Variants in PRSS23 observed in about 807,000 individuals in gnomAD.
The protein encoded by PRSS23 is protease, serine 23.
PRSS23 carries 25 observed loss-of-function variants against 34.7 expected under a neutral mutation model. The ratio of observed to expected loss-of-function variants is 0.72; its 90% CI spans 0.53 to 1.01. The LOEUF (loss-of-function observed/expected upper bound fraction) is 1.01, where lower values mean the gene tolerates loss of function less well. PRSS23 is among the 50% of genes least tolerant of loss of function. PRSS23 has a pLI of 0.00. For synonymous variants in PRSS23, 176 were observed against 186.6 expected, an observed-to-expected ratio of 0.94 and a Z score of 0.46; for missense variants, 445 against 475.6, an observed-to-expected ratio of 0.94 and a Z score of 0.60.
At chr11:86,838,417 A>G (rs963641205) in intron 2 of PRSS23, among the ~76,000 whole-genome samples, 2 of 152,168 alleles carry the variant, frequency 1.3e-5, no homozygotes, top group African/African-American at 4.8e-5. Context: ...GGAGAGGGGC[A>G]TCTGCCATTG....
At chr11:86,818,596 TAAAA>T (rs1228068216) in intron 1 of PRSS23, among the ~76,000 whole-genome samples, 1 of 152,130 alleles carries the variant, frequency 6.6e-6, no homozygotes, top group Non-Finnish European at 1.5e-5. Flanking sequence ...AAAATGTACT[TAAAA>T]AAAATCTTTC....
At chr11:86,795,575 G>GT (rs1391056239), upstream of PRSS23, among the ~76,000 whole-genome samples, 11 of 152,240 alleles carry the variant, frequency 7.2e-5, no homozygotes, top group African/African-American at 2.7e-4. Context: ...CTCAAAGACT[G>GT]TAACAGCAGG....
At chr11:86,922,295 G>A (rs923077703) in intron 2 of PRSS23, among the ~76,000 whole-genome samples, 1 of 152,068 alleles carries the variant, frequency 6.6e-6, no homozygotes, top group African/African-American at 2.4e-5. Flanking sequence ...TAAATCAGAT[G>A]GACAATTACT....
At position 86,860,731 on chromosome 11, in the gene PRSS23, G is replaced by A. The variant is rs369227623; in HGVS notation, c.206+37138G>A. ...GGATAATATAACCCCAAATTTGGCC[G>A]GTGGTTTGACCCCCCTTGTGATATT... On this transcript the variant is annotated intron_variant, in intron 2 of 2. Coordinates refer to the PRSS23 transcript ENST00000533902. Among the ~76,000 whole-genome samples the A allele has an allele frequency of 1.8e-4, 27 of 151,888 alleles. 1 individual carries two copies. Among genetic ancestry groups the A allele is most frequent in the African/African-American group, 6.0e-4 (25 of 41,370 alleles).
chr11:86,907,365 A>C (rs760637984), intron 2 of PRSS23, among the ~76,000 whole-genome samples: 1 of 152,204 alleles, frequency 6.6e-6, no homozygotes, highest in Non-Finnish European at 1.5e-5. Context: ...TCAAAATGTT[A>C]GCAGTGGTGT....
chr11:86,890,339 C>G (rs1182836002), intron 2 of PRSS23, among the ~76,000 whole-genome samples: 1 of 152,172 alleles, frequency 6.6e-6, no homozygotes, highest in East Asian at 1.9e-4. Context: ...CCTGGAATCT[C>G]ATACCTCAGC....
intron 2 of PRSS23, chr11:86,937,718 A>C (rs1393154726): frequency 1.3e-5 from 2 of 152,254 alleles, no homozygotes; most frequent in Non-Finnish European, 2.9e-5. Flanking sequence ...TTTAGCATAT[A>C]ATCAAGAAAT....
At position 86,881,997 on chromosome 11, in the gene PRSS23, A is replaced by T. The variant is rs1341594639; in HGVS notation, c.206+58404A>T. On this transcript the variant is annotated intron_variant, in intron 2 of 2. Transcript: ENST00000533902. ...GATGTGAATCTTCTCTCTTTTGTTC[A>T]TGGTCAGCCCACTTAAATGTTTGTC... Among the ~76,000 whole-genome samples, 6 of 152,074 alleles carry T rather than the reference A, an allele frequency of 3.9e-5. 1 individual carries two copies. Among genetic ancestry groups the T allele is most frequent in the Non-Finnish European group, 5.9e-5 (4 of 68,010 alleles).
intron 2 of PRSS23, among the ~76,000 whole-genome samples, chr11:86,944,052 A>C (rs1028789459): frequency 6.6e-6 from 1 of 152,042 alleles, no homozygotes; most frequent in Middle Eastern, 3.4e-3. Flanking sequence ...ATAGGAATTT[A>C]TTCTTACACA....
At chr11:86,929,696 T>C (rs1359444064) in intron 2 of PRSS23, among the ~76,000 whole-genome samples, 1 of 152,212 alleles carries the variant, frequency 6.6e-6, no homozygotes, top group Non-Finnish European at 1.5e-5. Flanking sequence ...TTCCAGGAAA[T>C]TATGCTTCAA....
At chr11:86,927,370 G>A (rs552587569) in intron 2 of PRSS23, among the ~76,000 whole-genome samples, 1 of 152,278 alleles carries the variant, frequency 6.6e-6, no homozygotes, top group East Asian at 1.9e-4. Context: ...TCCTAACACA[G>A]TTATAAGATC....
Position 86,827,359 on chromosome 11 carries a change from T to C in PRSS23, c.206+3766T>C, listed in dbSNP as rs192952803. Among the ~76,000 whole-genome samples, 1,034 of 152,374 alleles carry C rather than the reference T, an allele frequency of 6.8e-3. 2 individuals are homozygous for C. Among genetic ancestry groups the C allele is most frequent in the Non-Finnish European group, 0.011 (750 of 68,044 alleles). On this transcript the variant is annotated intron_variant, in intron 2 of 2. Coordinates refer to the PRSS23 transcript ENST00000533902. ...GTGATATCTCCTTTATCATTTTTTA[T>C]TGCCTCTATTTGATTCTTCTCTCTT...
Position 86,809,965 on chromosome 11 carries a change from G to T in PRSS23, c.*1170G>T, listed in dbSNP as rs1331933546. 1 of 167,004 alleles carries T rather than the reference G, an allele frequency of 6.0e-6. No individual in the cohort carries two copies. The highest frequency in any genetic ancestry group is 1.5e-5 in the Non-Finnish European group (1 of 68,116). The allele number at this position is 167,004 out of a possible 1,614,324, so 10.3% of individuals were successfully genotyped here. ...CTTGGAAGTTACTTTAAGAAAACCA[G>T]TGTGGCCTTTTTCCCTCTAGCTTTA... On this transcript the variant is annotated 3_prime_UTR_variant, in exon 2 of 2. Coordinates refer to ENST00000280258, the MANE Select transcript of PRSS23 (RefSeq NM_007173.6).
chr11:86,944,516 TC>T (rs1949227648), intron 2 of PRSS23, among the ~76,000 whole-genome samples: 1 of 152,188 alleles, frequency 6.6e-6, no homozygotes, highest in African/African-American at 2.4e-5. Context: ...ACCAACCTTC[TC>T]CAACCCCTTT....
At chr11:86,823,871 T>G (rs1004267725) in intron 2 of PRSS23, among the ~76,000 whole-genome samples, 2 of 149,590 alleles carry the variant, frequency 1.3e-5, no homozygotes, top group African/African-American at 2.5e-5. Context: ...CCGGGCGTGG[T>G]AGCGGGCGCC....
chr11:86,854,838 C>T (rs996021748), intron 2 of PRSS23, among the ~76,000 whole-genome samples: 15 of 152,104 alleles, frequency 9.9e-5, no homozygotes, highest in East Asian at 5.8e-4. Flanking sequence ...GGAAGTTATT[C>T]CTGGGCTCAA....
At chr11:86,915,660 TGAAA>T (rs1308116614) in intron 2 of PRSS23, among the ~76,000 whole-genome samples, 1 of 150,940 alleles carries the variant, frequency 6.6e-6, no homozygotes, top group Non-Finnish European at 1.5e-5. Flanking sequence ...ATATAGTAAC[TGAAA>T]GATAGAAAAT....
chr11:86,842,050 A>C (rs1412591099), intron 2 of PRSS23, among the ~76,000 whole-genome samples: 6 of 152,184 alleles, frequency 3.9e-5, no homozygotes. Context: ...ACTGGCAAAC[A>C]GAATCCAGCA....
At chr11:86,918,257 C>T (rs946604091) in intron 2 of PRSS23, among the ~76,000 whole-genome samples, 3 of 152,150 alleles carry the variant, frequency 2.0e-5, no homozygotes, top group African/African-American at 7.2e-5. Context: ...CACACCATTG[C>T]CAAAGTGCTT....
Sources: gnomAD v4.1 joint callset for allele counts (sites outside exome capture counted in the v4.1 genomes callset) on GRCh38, gnomAD v4.1.1 for gene constraint, MANE v1.5 for transcripts, NCBI Gene and HGNC (gene_info 2026-07-23, HGNC 2026-07-21) for gene names.